The following PRELID2 variants were observed in gnomAD, a reference collection of about 807,000 sequenced individuals.
PRELID2 encodes PRELI domain containing 2.
A neutral mutation model predicts 28.4 loss-of-function variants in PRELID2; 25 were observed. That is an observed-to-expected ratio of 0.88 (90% CI 0.64 to 1.23). The LOEUF (loss-of-function observed/expected upper bound fraction) is 1.23. Among genes scored for constraint, PRELID2 ranks in the 50% most tolerant of loss-of-function variants. The probability of loss-of-function intolerance (pLI) is 0.00; values close to 1 mark genes in which losing one functional copy is unlikely to be tolerated. For synonymous variants in PRELID2, 76 were observed against 71.6 expected, an observed-to-expected ratio of 1.06 and a Z score of -0.31; for missense variants, 201 against 214.4, an observed-to-expected ratio of 0.94 and a Z score of 0.39.
At position 145,521,385 on chromosome 5, in the gene PRELID2, T is replaced by C. The variant is rs886731373; in HGVS notation, n.71-48070A>G. On this transcript the variant is annotated intron_variant and non_coding_transcript_variant, in intron 1 of 2. Coordinates refer to the PRELID2 transcript ENST00000510259. ...TCAAATTCCTGCAGGGGCCTGTTAATGCTTGAATGAAGCTGATTGTAGAAG... is the reference window on the plus strand; with the variant it reads ...TCAAATTCCTGCAGGGGCCTGTTAACGCTTGAATGAAGCTGATTGTAGAAG... Among the ~76,000 whole-genome samples the C allele has an allele frequency of 2.8e-4, 42 of 152,158 alleles. 1 individual carries two copies. The highest frequency in any genetic ancestry group is 9.2e-4 in the Admixed American group (14 of 15,270).
the PRELID2 span, among the ~76,000 whole-genome samples, chr5:145,408,831 TAG>T: frequency 6.6e-6 from 1 of 152,158 alleles, no homozygotes; most frequent in Admixed American, 6.5e-5. Context: ...CTGATCTTGC[TAG>T]AGAGTTAGAC....
In PRELID2 at chr5:145,620,358, G is replaced by A. The variant is rs181478239; in HGVS notation, n.70+144573C>T. ...ATACATTTGTCCGAGCCTACAGAAT[G>A]TGCAACACTAAGAGTTAACCCTAAT... On this transcript the variant is annotated intron_variant and non_coding_transcript_variant, in intron 1 of 2. Coordinates refer to the PRELID2 transcript ENST00000510259. Among the ~76,000 whole-genome samples the A allele has an allele frequency of 2.2e-4, 33 of 152,308 alleles. No individual in the cohort carries two copies. In the Middle Eastern group the frequency reaches 0.014, roughly 63 times the overall value.
intron 5 of PRELID2, among the ~76,000 whole-genome samples, chr5:145,770,644 G>GA (rs1408549089): frequency 6.6e-6 from 1 of 152,208 alleles, no homozygotes; most frequent in Non-Finnish European, 1.5e-5. Flanking sequence ...ATGTGAAGGT[G>GA]AAAGACAATG....
the PRELID2 span, among the ~76,000 whole-genome samples, chr5:145,381,362 G>A: frequency 6.6e-6 from 1 of 152,108 alleles, no homozygotes; most frequent in Admixed American, 6.6e-5. Context: ...ACAGAGTGGG[G>A]AGCCCCAAAA....
At chr5:145,487,948 A>T (rs1752232592) in intron 1 of PRELID2, among the ~76,000 whole-genome samples, 1 of 150,800 alleles carries the variant, frequency 6.6e-6, no homozygotes, top group Non-Finnish European at 1.5e-5. Context: ...CAGGGTGAAA[A>T]CTCATCTCTA....
At chr5:145,270,301 T>C in the PRELID2 span, among the ~76,000 whole-genome samples, 3 of 152,124 alleles carry the variant, frequency 2.0e-5, no homozygotes, top group Non-Finnish European at 4.4e-5. Flanking sequence ...ATTCATTGTA[T>C]AGCAGCTCAA....
At chr5:145,343,805 G>A in the PRELID2 span, among the ~76,000 whole-genome samples, 2 of 151,304 alleles carry the variant, frequency 1.3e-5, no homozygotes, top group African/African-American at 2.4e-5. Context: ...ACCCAAATAA[G>A]CAAAATCAGA....
chr5:145,624,867 G>A (rs939884608), intron 1 of PRELID2, among the ~76,000 whole-genome samples: 1 of 152,056 alleles, frequency 6.6e-6, no homozygotes, highest in Admixed American at 6.6e-5. Flanking sequence ...TATATCCAAA[G>A]AGCTCCTATA....
chr5:145,331,696 A>C, the PRELID2 span, among the ~76,000 whole-genome samples: 1 of 152,040 alleles, frequency 6.6e-6, no homozygotes, highest in African/African-American at 2.4e-5. Flanking sequence ...TGAATACAGC[A>C]CACTGATGGG....
At chr5:145,792,735 AC>A (rs1370161195) in intron 5 of PRELID2, among the ~76,000 whole-genome samples, 4 of 152,204 alleles carry the variant, frequency 2.6e-5, no homozygotes, top group African/African-American at 7.2e-5. Context: ...AGAAAAAAAA[AC>A]ATATAACCAT....
the PRELID2 span, among the ~76,000 whole-genome samples, chr5:145,267,629 GAT>G: frequency 6.6e-6 from 1 of 152,182 alleles, no homozygotes; most frequent in Non-Finnish European, 1.5e-5. Flanking sequence ...CAGTAGTGCA[GAT>G]ATGTCTTTGA....
the PRELID2 span, among the ~76,000 whole-genome samples, chr5:145,334,802 A>C: frequency 6.8e-6 from 1 of 147,362 alleles, no homozygotes; most frequent in East Asian, 2.0e-4. Context: ...CACATTGGAT[A>C]TAGCAGCTCA....
At chr5:145,796,314 T>TG (rs1379981783) in intron 5 of PRELID2, 128 bp downstream of exon 5, 2 of 486,740 alleles carry the variant, frequency 4.1e-6, no homozygotes, top group Non-Finnish European at 7.2e-6. Context: ...TGATTATTTT[T>TG]GCATATATTT....
intron 1 of PRELID2, among the ~76,000 whole-genome samples, chr5:145,503,511 T>C (rs1465859635): frequency 1.3e-5 from 2 of 150,312 alleles, no homozygotes; most frequent in Non-Finnish European, 3.0e-5. Flanking sequence ...TCTACGCATT[T>C]CCTCCTCCAA....
chr5:145,625,920 T>C (rs1243006587), intron 1 of PRELID2, among the ~76,000 whole-genome samples: 1 of 152,100 alleles, frequency 6.6e-6, no homozygotes, highest in African/African-American at 2.4e-5. Context: ...GGCAAAAATA[T>C]ACACTGGGGA....
At chr5:145,402,772 TAGTG>T in the PRELID2 span, among the ~76,000 whole-genome samples, 18 of 152,162 alleles carry the variant, frequency 1.2e-4, no homozygotes, top group African/African-American at 3.9e-4. Context: ...AGATGCCTGA[TAGTG>T]AGGATCACAA....
chr5:145,601,755 T>C (rs553609822), intron 1 of PRELID2, among the ~76,000 whole-genome samples: 1 of 152,266 alleles, frequency 6.6e-6, no homozygotes, highest in East Asian at 1.9e-4. Context: ...CACAGTAACT[T>C]TGAGTTTCCT....
At chr5:145,751,629 G>A (rs1323268720), downstream of PRELID2, among the ~76,000 whole-genome samples, 2 of 152,270 alleles carry the variant, frequency 1.3e-5, no homozygotes, top group Admixed American at 6.5e-5. Flanking sequence ...TTGCTTGCCT[G>A]TTGTAATATA....
intron 1 of PRELID2, among the ~76,000 whole-genome samples, chr5:145,603,047 C>T (rs952091416): frequency 6.6e-6 from 1 of 151,896 alleles, no homozygotes; most frequent in Admixed American, 6.6e-5. Context: ...AGCAAAACTC[C>T]ATCTCAAGAA....
Sources: gnomAD v4.1 joint callset for allele counts (sites outside exome capture counted in the v4.1 genomes callset) on GRCh38, gnomAD v4.1.1 for gene constraint, MANE v1.5 for transcripts, NCBI Gene and HGNC (gene_info 2026-07-23, HGNC 2026-07-21) for gene names.